The following GREB1L variants were observed in gnomAD, a reference collection of about 807,000 sequenced individuals.
The protein encoded by GREB1L is GREB1 like retinoic acid receptor coactivator.
A neutral mutation model predicts 200.8 loss-of-function variants in GREB1L; 17 were observed. That is an observed-to-expected ratio of 0.08 (90% CI 0.06 to 0.13). The LOEUF is 0.13. Among genes scored for constraint, GREB1L ranks in the 10% least tolerant of loss-of-function variants. GREB1L has a pLI of 1.00. For missense variants in GREB1L, 1,657 were observed against 2,367.7 expected (o/e 0.70, Z 6.23); for synonymous variants, 789 against 893.0 (o/e 0.88, Z 2.08).
intron 16 of GREB1L, among the ~76,000 whole-genome samples, chr18:21,475,124 G>C (rs1216113117): frequency 6.6e-6 from 1 of 152,134 alleles, no homozygotes; most frequent in Non-Finnish European, 1.5e-5. Flanking sequence ...ATTAGAGAAA[G>C]GACAGCAATA....
intron 1 of GREB1L, among the ~76,000 whole-genome samples, chr18:21,243,438 G>A (rs2037540576): frequency 6.6e-6 from 1 of 152,222 alleles, no homozygotes; most frequent in East Asian, 1.9e-4. Context: ...CCGGCTGAGA[G>A]GATAGAAACC....
intron 1 of GREB1L, among the ~76,000 whole-genome samples, chr18:21,343,850 C>T (rs2039304061): frequency 6.6e-6 from 1 of 151,880 alleles, no homozygotes; most frequent in Non-Finnish European, 1.5e-5. Flanking sequence ...ATTCCCCCAC[C>T]TCAGCCTTCC....
chr18:21,288,742 T>G (rs1008550086), intron 1 of GREB1L, among the ~76,000 whole-genome samples: 20 of 152,082 alleles, frequency 1.3e-4, no homozygotes, highest in African/African-American at 4.6e-4. Context: ...ATCCTTTTTT[T>G]TTTTTTATTT....
intron 11 of GREB1L, among the ~76,000 whole-genome samples, 160 bp from the exon 12 acceptor site, chr18:21,449,350 A>G (rs1336512327): frequency 6.6e-6 from 1 of 152,212 alleles, no homozygotes; most frequent in East Asian, 1.9e-4. Flanking sequence ...GGGAATGATT[A>G]GTAGGGACTC....
At chr18:21,372,305 G>A (rs930104777) in intron 2 of GREB1L, among the ~76,000 whole-genome samples, 2 of 151,642 alleles carry the variant, frequency 1.3e-5, no homozygotes, top group Admixed American at 6.6e-5. Flanking sequence ...CCGCCACCCC[G>A]CCAGGCCAAT....
At chr18:21,300,779 C>T (rs1293938628) in intron 1 of GREB1L, among the ~76,000 whole-genome samples, 2 of 152,176 alleles carry the variant, frequency 1.3e-5, no homozygotes, top group Non-Finnish European at 2.9e-5. Flanking sequence ...CCTCCTCACC[C>T]CTTCTTCCCC....
intron 7 of GREB1L, among the ~76,000 whole-genome samples, chr18:21,405,713 A>G (rs2030121550): frequency 6.6e-6 from 1 of 152,180 alleles, no homozygotes; most frequent in Non-Finnish European, 1.5e-5. Flanking sequence ...AGGCACGAGA[A>G]TTGCTTGTAC....
intron 13 of GREB1L, 100 bp from the exon 14 acceptor site, chr18:21,451,983 A>G (rs1446276525): frequency 6.3e-6 from 7 of 1,107,852 alleles, no homozygotes; most frequent in Non-Finnish European, 9.0e-6. Context: ...GCTGACCAAC[A>G]AATCTACTGA....
chr18:21,510,633 A>C (rs906944135), intron 27 of GREB1L, among the ~76,000 whole-genome samples: 2 of 152,198 alleles, frequency 1.3e-5, no homozygotes, highest in Non-Finnish European at 2.9e-5. Context: ...GCTGTTGTGC[A>C]TCATGCTTTT....
intron 20 of GREB1L, 30 bp from the exon 21 acceptor site, chr18:21,496,424 C>G: frequency 6.4e-7 from 1 of 1,550,680 alleles, no homozygotes; most frequent in South Asian, 1.2e-5. Flanking sequence ...GCCAGATAGA[C>G]TCACCAACAA....
chr18:21,488,980 A>G (rs991355743), intron 18 of GREB1L, among the ~76,000 whole-genome samples: 1 of 152,026 alleles, frequency 6.6e-6, no homozygotes, highest in African/African-American at 2.4e-5. Context: ...AAAAAATTTT[A>G]TTTTTATTCA....
At chr18:21,411,906 G>A (rs374533861) in intron 7 of GREB1L, among the ~76,000 whole-genome samples, 10 of 151,868 alleles carry the variant, frequency 6.6e-5, no homozygotes, top group South Asian at 4.2e-4. Context: ...TTAGCCGGGC[G>A]CAGTGGTGGG....
At chr18:21,332,478 AT>A (rs1000879881) in intron 1 of GREB1L, among the ~76,000 whole-genome samples, 7 of 150,192 alleles carry the variant, frequency 4.7e-5, no homozygotes, top group Non-Finnish European at 7.4e-5. Flanking sequence ...AAAAAAAAAA[AT>A]TTTTTTTTCT....
intron 17 of GREB1L, among the ~76,000 whole-genome samples, chr18:21,484,259 T>A (rs1394042970): frequency 6.6e-6 from 1 of 150,490 alleles, no homozygotes; most frequent in Non-Finnish European, 1.5e-5. Context: ...CACTGCAACC[T>A]CCACCTCCGG....
At chr18:21,256,704 G>A (rs2037803888) in intron 1 of GREB1L, among the ~76,000 whole-genome samples, 1 of 152,098 alleles carries the variant, frequency 6.6e-6, no homozygotes, top group Admixed American at 6.5e-5. Flanking sequence ...AATCAATGCT[G>A]CCAAGCATGA....
chr18:21,323,515 G>C (rs2038980498), intron 1 of GREB1L, among the ~76,000 whole-genome samples: 1 of 152,144 alleles, frequency 6.6e-6, no homozygotes, highest in African/African-American at 2.4e-5. Flanking sequence ...AGCATGCTTA[G>C]CCTCACTCAA....
chr18:21,413,758 T>C (rs995825988), intron 7 of GREB1L, among the ~76,000 whole-genome samples: 2 of 152,102 alleles, frequency 1.3e-5, no homozygotes, highest in African/African-American at 4.8e-5. Context: ...AGGCTACGGG[T>C]CATGCATGTG....
chr18:21,285,444 G>A (rs2038339820), intron 1 of GREB1L, among the ~76,000 whole-genome samples: 1 of 152,116 alleles, frequency 6.6e-6, no homozygotes, highest in Admixed American at 6.5e-5. Flanking sequence ...ATAGTTGAAA[G>A]CACATGAATT....
chr18:21,401,232 C>T lies in GREB1L; in HGVS notation c.615C>T (p.Leu205=). Residue 205 remains leucine, a synonymous_variant, in exon 6 of 33, where the codon CTC becomes CTT. Coordinates refer to ENST00000424526, the MANE Select transcript of GREB1L (RefSeq NM_001142966.3). ...TTTCCAACCACATTAACTTGAAGCT[C>T]ACCACTCAGCCAAAGAAGCAGAAGC... is the stretch of plus-strand genomic sequence containing the variant. ...TEFSNHINLK[L]TTQPKKQKHL... is the part of the protein sequence containing the mutation. The T allele has an allele frequency of 6.4e-7, 1 of 1,551,506 alleles. No individual in the cohort carries two copies. Among genetic ancestry groups the T allele is most frequent in the East Asian group, 2.4e-5 (1 of 40,906 alleles).
Sources: gnomAD v4.1 joint callset for allele counts (sites outside exome capture counted in the v4.1 genomes callset) on GRCh38, gnomAD v4.1.1 for gene constraint, MANE v1.5 for transcripts, NCBI Gene and HGNC (gene_info 2026-07-23, HGNC 2026-07-21) for gene names.